MNS1: variants seen among roughly 807,000 people sequenced by gnomAD.
The protein encoded by MNS1 is meiosis-specific nuclear structural protein 1.
In MNS1, 63 loss-of-function variants were observed where a neutral mutation model predicts 72.0. The observed-to-expected ratio is 0.87, with a 90% CI of 0.71 to 1.08. The LOEUF (loss-of-function observed/expected upper bound fraction) is 1.08. Ranked by LOEUF, MNS1 falls within the 50% of genes least tolerant of loss-of-function variation. MNS1 has a pLI of 0.00. For synonymous variants in MNS1, 188 were observed against 172.1 expected (o/e 1.09, Z -0.72); for missense variants, 604 against 562.4 (o/e 1.07, Z -0.75).
chr15:56,436,527 T>C (rs1350635625), intron 7 of MNS1, among the ~76,000 whole-genome samples: 24 of 152,086 alleles, frequency 1.6e-4, no homozygotes, highest in African/African-American at 5.1e-4. Flanking sequence ...ATTGACACCC[T>C]AACATCACAA....
In MNS1 at chr15:56,463,487, T is replaced by A. The variant is rs577272076; in HGVS notation, c.225+539A>T. On this transcript the variant is annotated intron_variant, in intron 2 of 9. Transcript: ENST00000260453. ...TATTCCCCATTTTATAGAAAAAGCA[T>A]AAAAAATAAAAGCAGGCTGGGCGCG... Among the ~76,000 whole-genome samples, 5 of 152,082 alleles carry A rather than the reference T, an allele frequency of 3.3e-5. No homozygotes were observed. The East Asian group carries it at 7.7e-4, about 24-fold the overall frequency.
At chr15:56,435,600 C>G (rs1425494677) in intron 7 of MNS1, among the ~76,000 whole-genome samples, 1 of 152,026 alleles carries the variant, frequency 6.6e-6, no homozygotes, top group Admixed American at 6.6e-5. Context: ...TTGAGAAACA[C>G]AAGCTACCAA....
chr15:56,441,959 G>T (rs1004167999), intron 7 of MNS1, among the ~76,000 whole-genome samples: 47 of 152,068 alleles, frequency 3.1e-4, no homozygotes, highest in African/African-American at 1.0e-3. Context: ...GGCATAGCTT[G>T]CAGTGAGCCG....
chr15:56,464,906 T>G lies in MNS1; in HGVS notation c.3+64A>C. 4 of 1,606,170 alleles carry G rather than the reference T, an allele frequency of 2.5e-6. No homozygotes were observed. In the South Asian group the frequency reaches 4.5e-5, roughly 18 times the overall value. ...CTTAAAATCCTTTTTTAGAAGCAGA[T>G]GAGCGCCAAACTAGAATTAAATCAA... On this transcript the variant is annotated intron_variant, in intron 1 of 9. Coordinates refer to ENST00000260453, the MANE Select transcript of MNS1 (RefSeq NM_018365.4).
chr15:56,449,767 GTGC>G (rs1365710720), intron 3 of MNS1, among the ~76,000 whole-genome samples: 4 of 152,074 alleles, frequency 2.6e-5, no homozygotes, highest in African/African-American at 9.7e-5. Context: ...ATTTCTTCTT[GTGC>G]CAATCAGTTT....
At chr15:56,460,827 G>A (rs1045847346) in intron 2 of MNS1, among the ~76,000 whole-genome samples, 2 of 152,136 alleles carry the variant, frequency 1.3e-5, no homozygotes, top group Middle Eastern at 3.4e-3. Context: ...CCAGGTGTAG[G>A]ACAAAAAATA....
chr15:56,434,083 T>C, intron 8 of MNS1, 55 bp downstream of exon 8: 1 of 1,538,832 alleles, frequency 6.5e-7, no homozygotes, highest in Non-Finnish European at 8.8e-7. Context: ...GGATGATAGA[T>C]GAGCTATTGC....
At chr15:56,440,253 A>G (rs548415437) in intron 7 of MNS1, among the ~76,000 whole-genome samples, 1 of 152,062 alleles carries the variant, frequency 6.6e-6, no homozygotes, top group South Asian at 2.1e-4. Flanking sequence ...TGGCTAAAAT[A>G]AAAAATTGTT....
chr15:56,431,365 T>A lies in MNS1; in HGVS notation c.1395+8A>T. ...TGAAGATTACAACTTGAGATAAATC[T>A]CACTTACTTTAGGGAGATAGCCTAG... On this transcript the variant is annotated splice_region_variant and intron_variant, in intron 9 of 9. Coordinates refer to ENST00000260453, the MANE Select transcript of MNS1 (RefSeq NM_018365.4). The A allele has an allele frequency of 5.6e-6, 9 of 1,609,254 alleles. No homozygotes were observed. The highest frequency in any genetic ancestry group is 7.6e-6 in the Non-Finnish European group (9 of 1,178,420).
intron 1 of MNS1, among the ~76,000 whole-genome samples, chr15:56,464,635 G>A (rs1008098480): frequency 2.6e-5 from 4 of 152,094 alleles, no homozygotes; most frequent in Admixed American, 1.3e-4. Context: ...CTGTTCAGAA[G>A]CTGGTCAGAT....
At chr15:56,457,891 GA>G (rs1355046464) in intron 2 of MNS1, among the ~76,000 whole-genome samples, 1 of 136,720 alleles carries the variant, frequency 7.3e-6, no homozygotes, top group African/African-American at 2.5e-5. Flanking sequence ...CCAGGGAAAT[GA>G]AAACTTTTTA....
intron 2 of MNS1, among the ~76,000 whole-genome samples, chr15:56,459,165 A>G (rs1367256902): frequency 6.6e-6 from 1 of 152,078 alleles, no homozygotes; most frequent in Admixed American, 6.6e-5. Flanking sequence ...TTTTGTCTCC[A>G]TGGATTTGCA....
chr15:56,434,027 A>G, intron 8 of MNS1, 111 bp downstream of exon 8: 2 of 1,187,024 alleles, frequency 1.7e-6, no homozygotes, highest in Non-Finnish European at 2.3e-6. Context: ...ATTAGTAAAC[A>G]TACTAACATT....
At chr15:56,451,665 G>C (rs1315797383) in intron 3 of MNS1, among the ~76,000 whole-genome samples, 13 of 152,230 alleles carry the variant, frequency 8.5e-5, no homozygotes, top group African/African-American at 3.1e-4. Flanking sequence ...TCTGATTAAT[G>C]ATGGTTTGAC....
In MNS1 at chr15:56,429,186, A is replaced by G; in HGVS notation, c.1403T>C (p.Phe468Ser). Residue 468 changes from phenylalanine (F) to serine (S), a missense_variant, in exon 10 of 10, where the codon TTT (phenylalanine) becomes TCT (serine). Coordinates refer to ENST00000260453, the MANE Select transcript of MNS1 (RefSeq NM_018365.4). ...CAGATCAATATCATCCTCTTTTTTA[A>G]ATACTCCCTACGAGAAAAATACTTT... Reference protein sequence around the residue: ...NLLGYLPKGVFKKEDDIDLLG... With the variant: ...NLLGYLPKGVSKKEDDIDLLG... 1 of 1,588,148 alleles carries G rather than the reference A, an allele frequency of 6.3e-7. No homozygotes were observed. Among genetic ancestry groups the G allele is most frequent in the African/African-American group, 1.4e-5 (1 of 73,636 alleles).
Position 56,433,427 on chromosome 15 carries a change from A to T in MNS1, c.1269+711T>A, listed in dbSNP as rs751938137. Among the ~76,000 whole-genome samples, 12 of 152,112 alleles carry T rather than the reference A, an allele frequency of 7.9e-5. 1 individual carries two copies. The highest frequency in any genetic ancestry group is 1.9e-4 in the East Asian group (1 of 5,194). On this transcript the variant is annotated intron_variant, in intron 8 of 9. Coordinates refer to ENST00000260453, the MANE Select transcript of MNS1 (RefSeq NM_018365.4). ...ATGCATCCTGGAACTTAAAAATATTAAAAAAATAATTAAAAAGATGGAATG... is the reference window on the plus strand; with the variant it reads ...ATGCATCCTGGAACTTAAAAATATTTAAAAAATAATTAAAAAGATGGAATG...
In MNS1 at chr15:56,442,006, C is replaced by T. The variant is rs144810220; in HGVS notation, c.1011+1424G>A. The stretch of plus-strand genomic sequence containing the variant: ...CTGCACTCCAACCTGGGCGACAGAG[C>T]GAGACTCCCATCTCAAAAAATAATA... On this transcript the variant is annotated intron_variant, in intron 7 of 9. Coordinates refer to ENST00000260453, the MANE Select transcript of MNS1 (RefSeq NM_018365.4). 1.1e-3 allele frequency among the ~76,000 whole-genome samples: 164 copies of T among 151,558 alleles called. 1 individual carries two copies. Among genetic ancestry groups the T allele is most frequent in the African/African-American group, 3.5e-3 (143 of 41,300 alleles).
intron 7 of MNS1, 136 bp from the exon 8 acceptor site, chr15:56,434,531 A>G (rs1425430674): frequency 2.1e-6 from 2 of 953,446 alleles, no homozygotes; most frequent in Admixed American, 3.0e-5. Context: ...GCTTTTCATG[A>G]TAACTTTGTC....
chr15:56,461,620 G>A (rs1266472130), intron 2 of MNS1, among the ~76,000 whole-genome samples: 11 of 145,666 alleles, frequency 7.6e-5, no homozygotes, highest in African/African-American at 2.8e-4. Context: ...GAGATGGTGC[G>A]GCTGCACTCC....
Sources: allele counts gnomAD v4.1 joint callset (sites outside exome capture counted in the v4.1 genomes callset), GRCh38; gene constraint gnomAD v4.1.1; transcripts MANE v1.5; gene names NCBI Gene and HGNC (gene_info 2026-07-23, HGNC 2026-07-21).